Variants in WWOX observed in about 807,000 individuals in gnomAD.
WWOX encodes WW domain-containing oxidoreductase.
Under a neutral mutation model 46.2 loss-of-function variants are expected in WWOX, and 69 were observed. That is an observed-to-expected ratio of 1.49 (90% CI 1.23 to 1.82). WWOX has a LOEUF of 1.82. Ranked by LOEUF, WWOX falls within the 40% of genes most tolerant of loss-of-function variation. WWOX has a pLI of 0.00. For missense variants in WWOX, 919 were observed against 542.6 expected (o/e 1.69, Z -6.89); for synonymous variants, 359 against 202.6 (o/e 1.77, Z -6.56).
At chr16:79,186,522 C>G (rs1275729507) in intron 8 of WWOX, among the ~76,000 whole-genome samples, 3 of 152,196 alleles carry the variant, frequency 2.0e-5, no homozygotes, top group African/African-American at 7.2e-5. Context: ...GGATTAAGGG[C>G]CTACCCTATT....
At chr16:79,102,431 A>C (rs1174810617) in intron 8 of WWOX, among the ~76,000 whole-genome samples, 1 of 152,166 alleles carries the variant, frequency 6.6e-6, no homozygotes. Flanking sequence ...GTGTGTGCTA[A>C]TACACTGCTA....
intron 8 of WWOX, among the ~76,000 whole-genome samples, chr16:79,104,172 A>G (rs2049261846): frequency 6.6e-6 from 1 of 151,878 alleles, no homozygotes; most frequent in Non-Finnish European, 1.5e-5. Context: ...TAGGTGAACT[A>G]CTCTAAAGCA....
intron 8 of WWOX, among the ~76,000 whole-genome samples, chr16:78,819,928 A>G (rs544535867): frequency 6.6e-5 from 10 of 151,964 alleles, no homozygotes; most frequent in Admixed American, 2.0e-4. Flanking sequence ...TTATTTACTT[A>G]TTTATGTATT....
chr16:78,412,979 T>C (rs2082717239), intron 6 of WWOX, among the ~76,000 whole-genome samples: 1 of 152,218 alleles, frequency 6.6e-6, no homozygotes, highest in South Asian at 2.1e-4. Flanking sequence ...TTCTGATTTT[T>C]CCTTACCTGA....
Position 78,695,688 on chromosome 16 carries a change from A to G in WWOX, c.1056+262936A>G, listed in dbSNP as rs531187582. Among the ~76,000 whole-genome samples the G allele has an allele frequency of 1.6e-4, 25 of 152,360 alleles. 1 individual carries two copies. In the South Asian group the frequency reaches 5.0e-3, roughly 30 times the overall value. ...TCCAAATCAGAGGGGCAATGCAGGAATGGATCAAAGGAATGAAGGATCAAG... is the reference window on the plus strand; with the variant it reads ...TCCAAATCAGAGGGGCAATGCAGGAGTGGATCAAAGGAATGAAGGATCAAG... On this transcript the variant is annotated intron_variant, in intron 8 of 8. Coordinates refer to ENST00000566780, the MANE Select transcript of WWOX (RefSeq NM_016373.4).
intron 8 of WWOX, among the ~76,000 whole-genome samples, chr16:78,965,568 T>TA (rs76477109): frequency 0.19 from 26,332 of 141,678 alleles, 2,700 homozygotes; most frequent in East Asian, 0.47. Context: ...AACTCCATCT[T>TA]AAAAAAAAAA....
At chr16:78,632,551 T>C (rs370824022) in intron 8 of WWOX, among the ~76,000 whole-genome samples, 42 of 131,502 alleles carry the variant, frequency 3.2e-4, no homozygotes, top group African/African-American at 1.1e-3. Flanking sequence ...CCCACTTACT[T>C]GGCCAATTTT....
chr16:79,122,059 C>G (rs959905303), intron 8 of WWOX, among the ~76,000 whole-genome samples: 4 of 152,160 alleles, frequency 2.6e-5, no homozygotes, highest in Non-Finnish European at 5.9e-5. Context: ...CAGCTGTGCA[C>G]ACGCATGTAG....
intron 4 of WWOX, among the ~76,000 whole-genome samples, chr16:78,159,668 T>G (rs199527503): frequency 0.046 from 6,017 of 131,024 alleles, 204 homozygotes; most frequent in Non-Finnish European, 0.068. Context: ...TTTTAAAATC[T>G]GTGGTTTTTT....
chr16:78,268,658 G>T (rs1278897999), intron 5 of WWOX, among the ~76,000 whole-genome samples: 1 of 152,140 alleles, frequency 6.6e-6, no homozygotes, highest in Non-Finnish European at 1.5e-5. Context: ...AGAGTGGATG[G>T]ACAGAAAGAC....
At chr16:78,524,555 G>A (rs1215083904) in intron 8 of WWOX, among the ~76,000 whole-genome samples, 2 of 151,718 alleles carry the variant, frequency 1.3e-5, no homozygotes, top group South Asian at 2.1e-4. Context: ...CGAGTAGCTG[G>A]GATTACAGTT....
At chr16:78,429,582 C>G (rs944681688) in intron 7 of WWOX, among the ~76,000 whole-genome samples, 5 of 152,016 alleles carry the variant, frequency 3.3e-5, no homozygotes, top group African/African-American at 1.2e-4. Flanking sequence ...TATTCCATAC[C>G]TTTCAGATAC....
In WWOX at chr16:78,722,305, C is replaced by A. The variant is rs181562054; in HGVS notation, c.1056+289553C>A. On this transcript the variant is annotated intron_variant, in intron 8 of 8. Coordinates refer to ENST00000566780, the MANE Select transcript of WWOX (RefSeq NM_016373.4). ...ACCAGTTTTCTCAAGTGACTTTGAG[C>A]ATCTTTACTCAAGGCTCTTGGTCTC... Among the ~76,000 whole-genome samples, 1,063 of 152,288 alleles carry A rather than the reference C, an allele frequency of 7.0e-3. 4 individuals carry two copies. The highest frequency in any genetic ancestry group is 0.012 in the Admixed American group (179 of 15,284).
chr16:78,752,327 G>A (rs925118399), intron 8 of WWOX, among the ~76,000 whole-genome samples: 2 of 152,194 alleles, frequency 1.3e-5, no homozygotes, highest in African/African-American at 2.4e-5. Context: ...ACACTCTGTT[G>A]CCCAGGCTAG....
intron 8 of WWOX, among the ~76,000 whole-genome samples, chr16:78,892,539 A>G (rs534924293): frequency 1.2e-4 from 19 of 152,330 alleles, no homozygotes; most frequent in African/African-American, 4.6e-4. Flanking sequence ...CTGGACGACA[A>G]CATTCTTGTT....
At chr16:78,820,710 C>G (rs184421547) in intron 8 of WWOX, among the ~76,000 whole-genome samples, 17 of 152,130 alleles carry the variant, frequency 1.1e-4, no homozygotes, top group Non-Finnish European at 2.2e-4. Flanking sequence ...AACAAATTAT[C>G]GCAAACTGGG....
chr16:78,898,075 A>G (rs879722103), intron 8 of WWOX: 1 of 151,458 alleles, frequency 6.6e-6, no homozygotes, highest in Admixed American at 6.6e-5. Context: ...TTTTTTTCAT[A>G]TGTACTGTGA....
At chr16:78,445,947 A>G (rs1027222503) in intron 8 of WWOX, among the ~76,000 whole-genome samples, 2 of 152,176 alleles carry the variant, frequency 1.3e-5, no homozygotes, top group African/African-American at 4.8e-5. Context: ...TGATGAGCCT[A>G]GCCTTTGCTG....
rs1555505254 is a variant in WWOX, at chr16:78,971,433, T to TGACA, written c.1057-240171_1057-240168dup. 5.4e-5 allele frequency among the ~76,000 whole-genome samples: 3 copies of TGACA among 55,438 alleles called. No individual in the cohort carries two copies. In the East Asian group the frequency reaches 1.1e-3, roughly 20 times the overall value. The allele number at this position is 55,438 out of a possible 152,430, so 36.4% of individuals were successfully genotyped here. A position where few individuals can be genotyped will look rare whatever the true frequency, so the allele number is the denominator to read the frequency against. ...TCACGCCACTGCTCTCCAGTCTGGG[T>TGACA]GACAGACTCTGTGTCAAAAAAAAAA... is the stretch of plus-strand genomic sequence containing the variant. On this transcript the variant is annotated intron_variant, in intron 8 of 8. Transcript: ENST00000566780.
Sources: allele counts gnomAD v4.1 joint callset (sites outside exome capture counted in the v4.1 genomes callset), GRCh38; gene constraint gnomAD v4.1.1; transcripts MANE v1.5; gene names NCBI Gene and HGNC (gene_info 2026-07-23, HGNC 2026-07-21).